SLIT3: variants seen among roughly 807,000 people sequenced by gnomAD.
SLIT3 encodes slit guidance ligand 3.
In SLIT3, 68 loss-of-function variants were observed where a neutral mutation model predicts 184.0. The observed-to-expected ratio is 0.37, with a 90% CI of 0.30 to 0.45. The LOEUF (loss-of-function observed/expected upper bound fraction) is 0.45, where lower values mean the gene tolerates loss of function less well. SLIT3 is among the 20% of genes least tolerant of loss of function. The pLI is 1.00. For synonymous variants in SLIT3, 831 were observed against 828.6 expected (o/e 1.00, Z -0.05); for missense variants, 1,707 against 2,026.0 (o/e 0.84, Z 3.02).
intron 3 of SLIT3, among the ~76,000 whole-genome samples, chr5:169,207,420 A>C (rs1764112616): frequency 7.0e-6 from 1 of 143,632 alleles, no homozygotes; most frequent in Admixed American, 7.0e-5. Flanking sequence ...CACACACGGC[A>C]CCAAGTCCAT....
chr5:168,904,134 C>T (rs1042185490), intron 4 of SLIT3, among the ~76,000 whole-genome samples: 9 of 152,244 alleles, frequency 5.9e-5, no homozygotes, highest in African/African-American at 1.2e-4. Flanking sequence ...ATTCTCACTC[C>T]GCTCCCAGAA....
At chr5:168,847,139 C>T (rs1489495087) in intron 5 of SLIT3, among the ~76,000 whole-genome samples, 1 of 152,176 alleles carries the variant, frequency 6.6e-6, no homozygotes, top group Non-Finnish European at 1.5e-5. Flanking sequence ...TAAATATTTT[C>T]AGTGGGTGGC....
chr5:168,962,198 G>A (rs970610918), intron 4 of SLIT3, among the ~76,000 whole-genome samples: 2 of 152,002 alleles, frequency 1.3e-5, no homozygotes, highest in Admixed American at 6.6e-5. Flanking sequence ...CCAAGTGGCT[G>A]GTCACACTGG....
At chr5:169,166,391 G>C (rs1186535726) in intron 4 of SLIT3, among the ~76,000 whole-genome samples, 2 of 152,210 alleles carry the variant, frequency 1.3e-5, no homozygotes, top group Non-Finnish European at 2.9e-5. Flanking sequence ...ACAGTTCGCA[G>C]GGCAGTGGAG....
chr5:168,721,867 C>G (rs978737086), intron 23 of SLIT3, among the ~76,000 whole-genome samples: 2 of 152,136 alleles, frequency 1.3e-5, no homozygotes, highest in Non-Finnish European at 1.5e-5. Context: ...CATTGCCCCT[C>G]TGAGGAAACA....
At chr5:168,868,931 T>C (rs1759411992) in intron 5 of SLIT3, among the ~76,000 whole-genome samples, 1 of 152,036 alleles carries the variant, frequency 6.6e-6, no homozygotes, top group South Asian at 2.1e-4. Context: ...TATTGGAGAA[T>C]GGGATCTTTC....
intron 4 of SLIT3, among the ~76,000 whole-genome samples, chr5:168,901,234 G>C (rs1385437208): frequency 6.6e-6 from 1 of 152,008 alleles, no homozygotes; most frequent in Non-Finnish European, 1.5e-5. Flanking sequence ...CGTGGCGGCG[G>C]GCGCCTGTAG....
At chr5:168,959,844 T>C (rs1762947140) in intron 4 of SLIT3, among the ~76,000 whole-genome samples, 1 of 152,072 alleles carries the variant, frequency 6.6e-6, no homozygotes, top group South Asian at 2.1e-4. Context: ...ATGGCCAACA[T>C]TTACCGAGTT....
intron 4 of SLIT3, among the ~76,000 whole-genome samples, chr5:168,934,778 T>G (rs1034152583): frequency 1.3e-5 from 2 of 152,066 alleles, no homozygotes; most frequent in African/African-American, 4.8e-5. Context: ...TGAACACTTA[T>G]TGTGGGTCAG....
chr5:169,199,005 T>A (rs995357667), intron 3 of SLIT3, among the ~76,000 whole-genome samples: 2 of 148,512 alleles, frequency 1.3e-5, no homozygotes, highest in African/African-American at 5.0e-5. Flanking sequence ...TATATATATA[T>A]AAATACACAC....
At chr5:168,777,827 C>T (rs932602891) in intron 12 of SLIT3, among the ~76,000 whole-genome samples, 2 of 152,336 alleles carry the variant, frequency 1.3e-5, no homozygotes, top group Non-Finnish European at 1.5e-5. Flanking sequence ...AACAGCCTGT[C>T]CCTGTGCCCT....
chr5:168,884,547 GAGATATAT>G (rs1561986418), intron 4 of SLIT3, among the ~76,000 whole-genome samples: 3 of 9,312 alleles, frequency 3.2e-4, no homozygotes, highest in African/African-American at 1.5e-3. Flanking sequence ...TACCAATTAC[GAGATATAT>G]ATATATATAT....
At chr5:169,190,228 C>T (rs1763506884) in intron 4 of SLIT3, among the ~76,000 whole-genome samples, 1 of 152,244 alleles carries the variant, frequency 6.6e-6, no homozygotes, top group Non-Finnish European at 1.5e-5. Flanking sequence ...ACCCTCAGTT[C>T]TTTCTGACAG....
At chr5:169,118,819 G>A (rs1760781061) in intron 4 of SLIT3, among the ~76,000 whole-genome samples, 1 of 152,188 alleles carries the variant, frequency 6.6e-6, no homozygotes, top group Admixed American at 6.5e-5. Context: ...GGCACTGATG[G>A]TATTCTTTCC....
chr5:168,976,838 T>C (rs576997454), intron 4 of SLIT3, among the ~76,000 whole-genome samples: 135 of 152,374 alleles, frequency 8.9e-4, no homozygotes, highest in African/African-American at 3.2e-3. Context: ...ATTTTGTCTC[T>C]TATTCCTTCT....
intron 2 of SLIT3, among the ~76,000 whole-genome samples, chr5:169,248,819 C>T (rs1256194112): frequency 3.3e-5 from 5 of 152,136 alleles, no homozygotes; most frequent in Admixed American, 2.6e-4. Flanking sequence ...CTTTTTCCTA[C>T]TCCCATCCCA....
At chr5:168,984,998 A>G (rs1263191471) in intron 4 of SLIT3, among the ~76,000 whole-genome samples, 2 of 152,222 alleles carry the variant, frequency 1.3e-5, no homozygotes, top group Admixed American at 1.3e-4. Context: ...GAGAAATGCT[A>G]AGAGGAAAGC....
intron 4 of SLIT3, chr5:169,036,187 C>T (rs1392526337): frequency 6.6e-6 from 1 of 152,220 alleles, no homozygotes; most frequent in African/African-American, 2.4e-5. Context: ...ATCGCCCTTG[C>T]CTTGGAGGAA....
intron 1 of SLIT3, among the ~76,000 whole-genome samples, chr5:169,285,605 G>T (rs1767128920): frequency 6.6e-6 from 1 of 152,180 alleles, no homozygotes; most frequent in Non-Finnish European, 1.5e-5. Context: ...TTCATAAAAA[G>T]CCATGCTACT....
Sources: allele counts gnomAD v4.1 joint callset (sites outside exome capture counted in the v4.1 genomes callset), GRCh38; gene constraint gnomAD v4.1.1; transcripts MANE v1.5; gene names NCBI Gene and HGNC (gene_info 2026-07-23, HGNC 2026-07-21).